The following DGKI variants were observed in gnomAD, a reference collection of about 807,000 sequenced individuals.
The protein encoded by DGKI is DAG kinase iota.
Under a neutral mutation model 147.5 loss-of-function variants are expected in DGKI, and 55 were observed. The ratio of observed to expected loss-of-function variants is 0.37; its 90% CI spans 0.30 to 0.47. The LOEUF is 0.47. Among genes scored for constraint, DGKI ranks in the 20% least tolerant of loss-of-function variants. The pLI is 1.00. For missense variants in DGKI, 1,007 were observed against 1,323.8 expected, an observed-to-expected ratio of 0.76 and a Z score of 3.71; for synonymous variants, 469 against 477.1, an observed-to-expected ratio of 0.98 and a Z score of 0.22.
intron 1 of DGKI, among the ~76,000 whole-genome samples, chr7:137,773,421 GT>G (rs1796271045): frequency 6.6e-6 from 1 of 152,128 alleles, no homozygotes; most frequent in African/African-American, 2.4e-5. Flanking sequence ...CTCTGAAGGG[GT>G]ATTCTGATCC....
chr7:137,512,126 C>A (rs1038541055), intron 21 of DGKI, among the ~76,000 whole-genome samples: 1 of 152,180 alleles, frequency 6.6e-6, no homozygotes, highest in Non-Finnish European at 1.5e-5. Flanking sequence ...AGACCTATGA[C>A]CGCAAATTCT....
At chr7:137,433,328 C>T (rs1612970) in intron 28 of DGKI, among the ~76,000 whole-genome samples, 2 of 152,156 alleles carry the variant, frequency 1.3e-5, no homozygotes, top group African/African-American at 4.8e-5. Context: ...TAATATTTTG[C>T]AACTGGTAAT....
chr7:137,647,736 C>T (rs1821879704), intron 5 of DGKI, among the ~76,000 whole-genome samples: 1 of 152,208 alleles, frequency 6.6e-6, no homozygotes, highest in African/African-American at 2.4e-5. Flanking sequence ...ACACCTTTAG[C>T]ATCTGCCTAC....
intron 19 of DGKI, among the ~76,000 whole-genome samples, chr7:137,557,591 A>G (rs1257632801): frequency 6.6e-6 from 1 of 152,242 alleles, no homozygotes; most frequent in Admixed American, 6.5e-5. Flanking sequence ...TATAAATATT[A>G]GTGGGCTGAA....
intron 28 of DGKI, among the ~76,000 whole-genome samples, chr7:137,438,514 A>G (rs186908810): frequency 1.5e-3 from 234 of 152,284 alleles, no homozygotes; most frequent in Non-Finnish European, 2.4e-3. Context: ...CTGGAAAACA[A>G]CATGTTATAA....
intron 28 of DGKI, among the ~76,000 whole-genome samples, chr7:137,439,206 T>C (rs1172041584): frequency 1.3e-5 from 2 of 152,188 alleles, no homozygotes; most frequent in African/African-American, 4.8e-5. Context: ...GTAATATACA[T>C]GAAAGAAAAG....
intron 1 of DGKI, among the ~76,000 whole-genome samples, chr7:137,692,862 A>G (rs3800625): frequency 0.038 from 5,808 of 152,266 alleles, 341 homozygotes; most frequent in African/African-American, 0.13. Flanking sequence ...ATTAATTAGG[A>G]GAAAAAAATA....
intron 27 of DGKI, among the ~76,000 whole-genome samples, chr7:137,448,377 C>T (rs1485004436): frequency 6.7e-6 from 1 of 148,922 alleles, no homozygotes; most frequent in African/African-American, 2.5e-5. Context: ...GACATCTATG[C>T]AAAAATACCA....
chr7:137,736,126 A>G (rs543741554), intron 1 of DGKI, among the ~76,000 whole-genome samples: 3 of 152,242 alleles, frequency 2.0e-5, no homozygotes, highest in Admixed American at 1.3e-4. Flanking sequence ...TCCCTGCTTC[A>G]GTTCATTCTA....
At chr7:137,655,455 C>T (rs1822184671) in intron 4 of DGKI, among the ~76,000 whole-genome samples, 1 of 152,156 alleles carries the variant, frequency 6.6e-6, no homozygotes, top group Non-Finnish European at 1.5e-5. Flanking sequence ...ATCTTGGCCT[C>T]CCAAAGTGCT....
At chr7:137,485,560 T>C (rs1184093224) in intron 22 of DGKI, 142 bp from the exon 23 acceptor site, 12 of 670,050 alleles carry the variant, frequency 1.8e-5, no homozygotes, top group Middle Eastern at 5.3e-4. Flanking sequence ...TTCATAAAGG[T>C]TAAATAAAGA....
At chr7:137,432,187 A>C (rs921153082) in intron 28 of DGKI, among the ~76,000 whole-genome samples, 1 of 152,166 alleles carries the variant, frequency 6.6e-6, no homozygotes, top group African/African-American at 2.4e-5. Flanking sequence ...AGCCTGTGGA[A>C]CCATGAGCCA....
intron 23 of DGKI, among the ~76,000 whole-genome samples, chr7:137,472,079 T>C (rs1202010541): frequency 8.2e-6 from 1 of 122,584 alleles, no homozygotes; most frequent in East Asian, 2.3e-4. Context: ...TATATTATGT[T>C]ATATATAATA....
chr7:137,625,541 A>T (rs2128999618), intron 6 of DGKI, among the ~76,000 whole-genome samples: 1 of 152,170 alleles, frequency 6.6e-6, no homozygotes, highest in African/African-American at 2.4e-5. Context: ...GCATCTGGGA[A>T]CTCGGATTGC....
chr7:137,520,999 A>G (rs1816940844), intron 21 of DGKI, among the ~76,000 whole-genome samples: 1 of 151,984 alleles, frequency 6.6e-6, no homozygotes, highest in Non-Finnish European at 1.5e-5. Flanking sequence ...TATAAAAGTC[A>G]TTTCTTTATA....
chr7:137,493,319 G>A (rs950917564), intron 21 of DGKI, among the ~76,000 whole-genome samples: 1 of 152,220 alleles, frequency 6.6e-6, no homozygotes, highest in African/African-American at 2.4e-5. Flanking sequence ...TATGGAGGCT[G>A]GAAGCCCCTG....
chr7:137,803,022 T>G (rs975749942), intron 1 of DGKI, among the ~76,000 whole-genome samples: 1 of 151,976 alleles, frequency 6.6e-6, no homozygotes, highest in South Asian at 2.1e-4. Context: ...AAAATAAGAA[T>G]CACTATGCAA....
At chr7:137,817,293 A>G (rs1797768355) in intron 1 of DGKI, among the ~76,000 whole-genome samples, 1 of 152,214 alleles carries the variant, frequency 6.6e-6, no homozygotes. Context: ...ATTTGTATTC[A>G]GTGTCTATAA....
intron 1 of DGKI, among the ~76,000 whole-genome samples, chr7:137,788,886 A>G (rs2116918142): frequency 6.6e-6 from 1 of 152,306 alleles, no homozygotes; most frequent in Admixed American, 6.5e-5. Context: ...GTGCTGCCCA[A>G]CAAAACAAAA....
Sources: allele counts gnomAD v4.1 joint callset (sites outside exome capture counted in the v4.1 genomes callset), GRCh38; gene constraint gnomAD v4.1.1; transcripts MANE v1.5; gene names NCBI Gene and HGNC (gene_info 2026-07-23, HGNC 2026-07-21).